The following BARX2 variants were observed in gnomAD, a reference collection of about 807,000 sequenced individuals.
The protein encoded by BARX2 is homeobox protein BarH-like 2.
Under a neutral mutation model 25.5 loss-of-function variants are expected in BARX2, and 11 were observed. The observed-to-expected ratio is 0.43, with a 90% confidence interval of 0.27 to 0.71. The LOEUF (loss-of-function observed/expected upper bound fraction) is 0.71, where lower values mean the gene tolerates loss of function less well. BARX2 is among the 30% of genes least tolerant of loss of function. The pLI is 0.19. For missense variants in BARX2, 360 were observed against 359.9 expected (o/e 1.00, Z 0.00); for synonymous variants, 137 against 149.5 (o/e 0.92, Z 0.61).
At chr11:129,444,581 G>A (rs1027076696) in intron 3 of BARX2, among the ~76,000 whole-genome samples, 2 of 152,190 alleles carry the variant, frequency 1.3e-5, no homozygotes, top group Non-Finnish European at 2.9e-5. Flanking sequence ...TTATGATGTA[G>A]TCAGAGAAAC....
chr11:129,450,572 AC>A lies in BARX2; in HGVS notation c.574-558del, dbSNP rs1187809618. Among the ~76,000 whole-genome samples, 3 of 152,128 alleles carry A rather than the reference AC, an allele frequency of 2.0e-5. No homozygotes were observed. The East Asian group carries it at 5.8e-4, about 29-fold the overall frequency. Reference sequence around the variant, plus strand: ...TACATGGCTAAACTTTTAGGATATCACCCCCCTCCAACTTTTGCTGTTATAA... The same window carrying A: ...TACATGGCTAAACTTTTAGGATATCACCCCCTCCAACTTTTGCTGTTATAA... On this transcript the variant is annotated intron_variant, in intron 3 of 3. Coordinates refer to ENST00000281437, the MANE Select transcript of BARX2 (RefSeq NM_003658.5).
At chr11:129,394,686 G>T (rs1452713030) in intron 1 of BARX2, among the ~76,000 whole-genome samples, 2 of 151,898 alleles carry the variant, frequency 1.3e-5, no homozygotes, top group African/African-American at 4.8e-5. Context: ...AATAATTTTA[G>T]TTAGAATGTG....
intron 1 of BARX2, among the ~76,000 whole-genome samples, chr11:129,406,767 C>T (rs73024965): frequency 0.15 from 22,378 of 152,040 alleles, 2,057 homozygotes; most frequent in East Asian, 0.41. Flanking sequence ...GGACATCGAC[C>T]CTCAGTTTTT....
At chr11:129,445,449 T>A (rs1862314714) in intron 3 of BARX2, among the ~76,000 whole-genome samples, 1 of 152,234 alleles carries the variant, frequency 6.6e-6, no homozygotes, top group African/African-American at 2.4e-5. Flanking sequence ...CACTTGTTTT[T>A]CACCAGCAAC....
At chr11:129,417,632 G>A (rs777815905) in intron 1 of BARX2, among the ~76,000 whole-genome samples, 2 of 152,246 alleles carry the variant, frequency 1.3e-5, no homozygotes, top group Non-Finnish European at 2.9e-5. Context: ...TTGGAGGGGT[G>A]TAGGTCTGCT....
intron 1 of BARX2, among the ~76,000 whole-genome samples, chr11:129,423,860 CTT>C (rs111828730): frequency 1.5e-4 from 22 of 142,920 alleles, no homozygotes; most frequent in Admixed American, 3.5e-4. Context: ...TCTCTCTCTC[CTT>C]TTTTTTTTTT....
At chr11:129,380,916 A>T (rs1339337498) in intron 1 of BARX2, among the ~76,000 whole-genome samples, 3 of 151,660 alleles carry the variant, frequency 2.0e-5, no homozygotes, top group African/African-American at 7.3e-5. Flanking sequence ...AGCTGGGATT[A>T]CAGGCGCCCA....
chr11:129,421,910 C>T (rs1862008160), intron 1 of BARX2, among the ~76,000 whole-genome samples: 1 of 152,042 alleles, frequency 6.6e-6, no homozygotes, highest in Non-Finnish European at 1.5e-5. Context: ...ATATCTTAAA[C>T]TTTTACCTGT....
chr11:129,400,290 G>A (rs954441717), intron 1 of BARX2, among the ~76,000 whole-genome samples: 16 of 152,124 alleles, frequency 1.1e-4, no homozygotes, highest in Admixed American at 5.2e-4. Context: ...TACCCTGGGC[G>A]GTGCTGTGAA....
chr11:129,450,538 C>A (rs947346055), intron 3 of BARX2, among the ~76,000 whole-genome samples: 1 of 152,180 alleles, frequency 6.6e-6, no homozygotes, highest in African/African-American at 2.4e-5. Flanking sequence ...TACTATAATT[C>A]TACCCAATTA....
chr11:129,401,145 G>C (rs1378827330), intron 1 of BARX2, among the ~76,000 whole-genome samples: 8 of 152,202 alleles, frequency 5.3e-5, no homozygotes, highest in Non-Finnish European at 8.8e-5. Context: ...TCATTGGCAT[G>C]GTTGAGATAG....
intron 2 of BARX2, among the ~76,000 whole-genome samples, chr11:129,441,448 T>A (rs534058897): frequency 2.0e-5 from 3 of 152,232 alleles, no homozygotes; most frequent in Admixed American, 6.5e-5. Context: ...AGTAATTTAT[T>A]TTTATTTATT....
chr11:129,438,321 CAAAAAAAAAAA>C, intron 2 of BARX2: 1 of 84,284 alleles, frequency 1.2e-5, no homozygotes, highest in East Asian at 3.6e-4. Context: ...GACTCAGTCT[CAAAAAAAAAAA>C]AAAAAAAAAA....
rs1861496024 is a variant in BARX2 at position 129,375,857 on chromosome 11, T to G, written c.-179T>G. 1 of 164,476 alleles carries G rather than the reference T, an allele frequency of 6.1e-6. No homozygotes were observed. Among genetic ancestry groups the G allele is most frequent in the Non-Finnish European group, 1.3e-5 (1 of 79,464 alleles). 10.2% of individuals were successfully genotyped at this position (164,476 alleles called of 1,614,324 possible). Reference sequence around the variant, plus strand: ...GCGAAGATGCTGATCTGCGGGTGGGTCTAGACGCGCGGCAGGCGCGCCCGC... The same window carrying G: ...GCGAAGATGCTGATCTGCGGGTGGGGCTAGACGCGCGGCAGGCGCGCCCGC... On this transcript the variant is annotated 5_prime_UTR_variant, in exon 1 of 4. Coordinates refer to ENST00000281437, the MANE Select transcript of BARX2 (RefSeq NM_003658.5). This position sits in a 1 kb window ranked among gnomAD's most constrained non-coding sequence, Gnocchi z 4.0.
chr11:129,450,868 T>G (rs189640148), intron 3 of BARX2, among the ~76,000 whole-genome samples: 1 of 152,308 alleles, frequency 6.6e-6, no homozygotes, highest in East Asian at 1.9e-4. Flanking sequence ...ATTTCTTTCC[T>G]TATTGTTGAA....
In BARX2 at chr11:129,390,925, G is replaced by A. The variant is rs551459898; in HGVS notation, c.187+14703G>A. ...AATTGTGTGTACTTGACGCACAGGC[G>A]GTGTGGAAGCAGGATTTAAAGTAGA... On this transcript the variant is annotated intron_variant, in intron 1 of 3. Coordinates refer to ENST00000281437, the MANE Select transcript of BARX2 (RefSeq NM_003658.5). The surrounding 1 kb of genome is among the most constrained non-coding windows in gnomAD (Gnocchi z 4.3). 1.3e-5 allele frequency among the ~76,000 whole-genome samples: 2 copies of A among 152,274 alleles called. No individual in the cohort carries two copies. Among genetic ancestry groups the A allele is most frequent in the South Asian group, 2.1e-4 (1 of 4,826 alleles).
intron 1 of BARX2, among the ~76,000 whole-genome samples, chr11:129,422,705 CTTTT>C (rs35370470): frequency 7.3e-6 from 1 of 136,712 alleles, no homozygotes; most frequent in Admixed American, 7.3e-5. Context: ...ATTTTATTCT[CTTTT>C]TTTTTTTTTT....
chr11:129,441,448 TTTTA>T (rs895653235), intron 2 of BARX2, among the ~76,000 whole-genome samples: 6 of 152,112 alleles, frequency 3.9e-5, no homozygotes, highest in African/African-American at 7.2e-5. Context: ...AGTAATTTAT[TTTTA>T]TTTATTTATT....
At position 129,376,294 on chromosome 11, in the gene BARX2, G is replaced by T; in HGVS notation, c.187+72G>T. ...TCCGTGTAGGTGGCCTGTGCTTTGC[G>T]ATCCGAGGGCGAGAGGAAGGGTTAA... On this transcript the variant is annotated intron_variant, in intron 1 of 3. Transcript: ENST00000281437. This position sits in a 1 kb window ranked among gnomAD's most constrained non-coding sequence, Gnocchi z 4.2. 7.3e-7 allele frequency: 1 copy of T among 1,368,346 alleles called. No homozygotes were observed. The highest frequency in any genetic ancestry group is 9.9e-7 in the Non-Finnish European group (1 of 1,010,244). 84.8% of individuals were successfully genotyped at this position (1,368,346 alleles called of 1,614,324 possible).
Sources: allele counts gnomAD v4.1 joint callset (sites outside exome capture counted in the v4.1 genomes callset), GRCh38; gene constraint gnomAD v4.1.1; non-coding constraint Gnocchi (gnomAD v3.1); transcripts MANE v1.5; gene names NCBI Gene and HGNC (gene_info 2026-07-23, HGNC 2026-07-21).